CSMD1: variants seen among roughly 807,000 people sequenced by gnomAD.
CSMD1 encodes CUB and sushi domain-containing protein 1.
CSMD1 carries 213 observed loss-of-function variants against 417.5 expected under a neutral mutation model. That is an observed-to-expected ratio of 0.51 (90% CI 0.46 to 0.57). The LOEUF (loss-of-function observed/expected upper bound fraction) is 0.57. CSMD1 is among the 20% of genes least tolerant of loss of function. CSMD1 has a pLI of 0.00. For synonymous variants in CSMD1, 2,862 were observed against 1,736.8 expected (o/e 1.65, Z -16.11); for missense variants, 6,923 against 4,529.7 (o/e 1.53, Z -15.17).
chr8:3,451,258 T>C (rs1197187173), intron 12 of CSMD1, among the ~76,000 whole-genome samples: 1 of 152,208 alleles, frequency 6.6e-6, no homozygotes, highest in Non-Finnish European at 1.5e-5. Flanking sequence ...TCTGCCACTC[T>C]GTAGGATGCC....
chr8:4,207,404 C>T (rs1383853902), intron 3 of CSMD1, among the ~76,000 whole-genome samples: 1 of 152,016 alleles, frequency 6.6e-6, no homozygotes, highest in Non-Finnish European at 1.5e-5. Context: ...TTTTAATAAG[C>T]AAATCATATT....
intron 3 of CSMD1, among the ~76,000 whole-genome samples, chr8:4,075,211 T>C (rs1228872788): frequency 6.6e-6 from 1 of 152,208 alleles, no homozygotes; most frequent in African/African-American, 2.4e-5. Flanking sequence ...AAATAATATT[T>C]CATTCTAGTA....
chr8:3,600,545 G>T (rs1159739319), intron 8 of CSMD1, among the ~76,000 whole-genome samples: 1 of 152,046 alleles, frequency 6.6e-6, no homozygotes, highest in African/African-American at 2.4e-5. Context: ...TCATCCTGGG[G>T]ATAGGGTGCT....
At chr8:3,394,278 TATAATA>T (rs890114006) in intron 17 of CSMD1, among the ~76,000 whole-genome samples, 6 of 147,372 alleles carry the variant, frequency 4.1e-5, no homozygotes, top group Non-Finnish European at 9.0e-5. Context: ...TTCCATATTT[TATAATA>T]ATAAAATATT....
At chr8:3,931,003 A>C (rs1810099696) in intron 5 of CSMD1, among the ~76,000 whole-genome samples, 1 of 150,646 alleles carries the variant, frequency 6.6e-6, no homozygotes, top group South Asian at 2.1e-4. Flanking sequence ...TAAAGGTGTT[A>C]ACTAGCCATA....
intron 18 of CSMD1, among the ~76,000 whole-genome samples, chr8:3,385,197 A>G (rs1303181588): frequency 6.9e-6 from 1 of 144,952 alleles, no homozygotes; most frequent in East Asian, 2.0e-4. Context: ...AAATATATAA[A>G]TAGAAATGTA....
At chr8:4,064,528 C>G (rs1186178724) in intron 3 of CSMD1, among the ~76,000 whole-genome samples, 1 of 152,176 alleles carries the variant, frequency 6.6e-6, no homozygotes, top group Non-Finnish European at 1.5e-5. Context: ...CCAAGTGAAG[C>G]CACCCATGAG....
At chr8:3,072,816 GTA>G (rs1273857740) in intron 49 of CSMD1, among the ~76,000 whole-genome samples, 1 of 152,090 alleles carries the variant, frequency 6.6e-6, no homozygotes, top group Non-Finnish European at 1.5e-5. Context: ...ACTGGTCGAT[GTA>G]TATATATAGG....
At chr8:4,073,202 C>T (rs1346304952) in intron 3 of CSMD1, among the ~76,000 whole-genome samples, 1 of 151,918 alleles carries the variant, frequency 6.6e-6, no homozygotes, top group African/African-American at 2.4e-5. Context: ...ACGCTCACAA[C>T]AATAACTTGT....
intron 26 of CSMD1, among the ~76,000 whole-genome samples, chr8:3,265,470 T>C (rs1366766702): frequency 6.6e-6 from 1 of 151,854 alleles, no homozygotes; most frequent in African/African-American, 2.4e-5. Context: ...CTAAACAGAG[T>C]GGTGTTTAAC....
At chr8:3,825,763 G>A (rs971560720) in intron 5 of CSMD1, among the ~76,000 whole-genome samples, 1 of 152,172 alleles carries the variant, frequency 6.6e-6, no homozygotes, top group African/African-American at 2.4e-5. Context: ...CACATGAACT[G>A]TGGAAATGTA....
chr8:4,781,339 C>T (rs1015903570), intron 1 of CSMD1, among the ~76,000 whole-genome samples: 3 of 152,190 alleles, frequency 2.0e-5, no homozygotes, highest in South Asian at 2.1e-4. Context: ...TTTACAACCA[C>T]GCATGAAACA....
intron 3 of CSMD1, among the ~76,000 whole-genome samples, chr8:4,067,855 G>A (rs1306622315): frequency 2.6e-5 from 4 of 152,126 alleles, no homozygotes; most frequent in Admixed American, 6.5e-5. Context: ...GAGGTGGGCG[G>A]ATCATGAGGT....
At chr8:3,764,918 G>C (rs764532933) in intron 5 of CSMD1, among the ~76,000 whole-genome samples, 3 of 151,630 alleles carry the variant, frequency 2.0e-5, no homozygotes, top group Admixed American at 1.3e-4. Flanking sequence ...GCTCATTTTC[G>C]TATTTTTAGT....
intron 3 of CSMD1, among the ~76,000 whole-genome samples, chr8:4,136,835 G>A (rs555012151): frequency 2.0e-5 from 3 of 152,142 alleles, no homozygotes; most frequent in Non-Finnish European, 2.9e-5. Context: ...CCAAATGTTT[G>A]ACAAACTCTA....
Position 3,144,906 on chromosome 8 carries a change from C to A in CSMD1, c.6032-2232G>T, listed in dbSNP as rs540553740. ...TCTGCCTGCTGTGACAGCTGCGCTC[C>A]TGGACTGCCCAGCCAGTGGCACATC... On this transcript the variant is annotated intron_variant, in intron 40 of 69. Coordinates refer to ENST00000635120, the MANE Select transcript of CSMD1 (RefSeq NM_033225.6). Among the ~76,000 whole-genome samples, 3 of 152,132 alleles carry A rather than the reference C, an allele frequency of 2.0e-5. No individual in the cohort carries two copies. In the South Asian group the frequency reaches 6.2e-4, roughly 32 times the overall value.
At chr8:4,541,761 A>T (rs1354018146) in intron 2 of CSMD1, among the ~76,000 whole-genome samples, 9 of 152,118 alleles carry the variant, frequency 5.9e-5, no homozygotes, top group Non-Finnish European at 1.2e-4. Flanking sequence ...AGATAAAGAA[A>T]AAAAGAATCA....
chr8:3,505,667 G>C (rs1796793628), intron 10 of CSMD1, among the ~76,000 whole-genome samples: 5 of 152,220 alleles, frequency 3.3e-5, no homozygotes, highest in Non-Finnish European at 1.5e-5. Flanking sequence ...TTTTTTGGTA[G>C]CATAACAAAA....
At chr8:3,844,944 A>C (rs912095059) in intron 5 of CSMD1, among the ~76,000 whole-genome samples, 2 of 152,166 alleles carry the variant, frequency 1.3e-5, no homozygotes, top group Admixed American at 6.5e-5. Flanking sequence ...CTTGATTTTT[A>C]TTTTAATGAA....
Sources: gnomAD v4.1 joint callset for allele counts (sites outside exome capture counted in the v4.1 genomes callset) on GRCh38, gnomAD v4.1.1 for gene constraint, MANE v1.5 for transcripts, NCBI Gene and HGNC (gene_info 2026-07-23, HGNC 2026-07-21) for gene names.